The following TAS2R7 variants were observed in gnomAD, a reference collection of about 807,000 sequenced individuals.
The protein encoded by TAS2R7 is taste receptor type 2 member 7.
For synonymous variants in TAS2R7, 159 were observed against 138.8 expected, an observed-to-expected ratio of 1.15 and a Z score of -1.02; for missense variants, 403 against 366.0, an observed-to-expected ratio of 1.10 and a Z score of -0.82.
chr12:10,802,178 G>C lies in TAS2R7; in HGVS notation c.393C>G (p.Ser131=). 6.2e-7 allele frequency: 1 copy of C among 1,613,670 alleles called. No homozygotes were observed. The highest frequency in any genetic ancestry group is 8.5e-7 in the Non-Finnish European group (1 of 1,179,888). Reference sequence around the variant, plus strand: ...GAACCACGCACCCCAGTAGAATCCAGGAAATCACCCTGTCAATTCTCCACT... The same window carrying C: ...GAACCACGCACCCCAGTAGAATCCACGAAATCACCCTGTCAATTCTCCACT... ...WMKWRIDRVI[S]WILLGCVVLS... The change falls in exon 1 of 1, where the codon TCC becomes TCG. Residue 131 remains serine (S), a synonymous_variant. Transcript: ENST00000240687.
rs1487728042 is a variant in TAS2R7, at chr12:10,802,125, G to C, written c.446C>G (p.Thr149Ser). 2.5e-6 allele frequency: 4 copies of C among 1,613,752 alleles called. No individual in the cohort carries two copies. Among genetic ancestry groups the C allele is most frequent in the Middle Eastern group, 1.6e-4 (1 of 6,080 alleles). Residue 149 changes from threonine to serine, a missense_variant, in exon 1 of 1, where the codon ACT becomes AGT. Thr to Ser is a moderately conservative substitution (Grantham distance 58). Transcript: ENST00000240687. ...CCTGAAATCAGCGTTCAAATTCTCA[G>C]TGGCTGGAAGGCTAATAAACACAGA... ...VLSVFISLPATENLNADFRFC... is the reference protein window; with the variant it reads ...VLSVFISLPASENLNADFRFC...
At position 10,801,603 on chromosome 12, in the gene TAS2R7, A is replaced by C. The variant is rs745387813; in HGVS notation, c.*11T>G. On this transcript the variant is annotated 3_prime_UTR_variant, in exon 1 of 1. Transcript: ENST00000240687. ...TTATCTTTGTTTGTCCTAGAAAAGC[A>C]TAGTTTCTCTTCAGATTTGTTTATG... 2 of 1,477,244 alleles carry C rather than the reference A, an allele frequency of 1.4e-6. No homozygotes were observed. Among genetic ancestry groups the C allele is most frequent in the Non-Finnish European group, 9.3e-7 (1 of 1,072,386 alleles). 91.5% of individuals were successfully genotyped at this position (1,477,244 alleles called of 1,614,324 possible).
Position 10,801,980 on chromosome 12 carries a change from G to A in TAS2R7, c.591C>T (p.Cys197=), listed in dbSNP as rs144257075. 3.3e-4 allele frequency: 525 copies of A among 1,613,822 alleles called. 4 individuals carry two copies. The South Asian group carries it at 3.7e-3, about 11-fold the overall frequency. The change falls in exon 1 of 1, where the codon TGC becomes TGT. Residue 197 remains cysteine (C), a synonymous_variant. Transcript: ENST00000240687. ...GGATCAAGAGGAAAAAGGACATTAG[G>A]CACACACAAAAGGGGAGCAGCGTTG... ...NLATLLPFCV[C]LMSFFLLILS...
chr12:10,802,211 G>T lies in TAS2R7; in HGVS notation c.360C>A (p.Leu120=), dbSNP rs1282608700. The change falls in exon 1 of 1, where the codon CTC becomes CTA. Residue 120 remains leucine, a synonymous_variant. Coordinates refer to ENST00000240687, the MANE Select transcript of TAS2R7 (RefSeq NM_023919.2). ...KIGNFFHPLF[L]WMKWRIDRVI... ...CCCTGTCAATTCTCCACTTCATCCA[G>T]AGGAAAAGTGGGTGAAAGAAATTAC... 1.2e-5 allele frequency: 20 copies of T among 1,613,700 alleles called. No individual in the cohort carries two copies. The highest frequency in any genetic ancestry group is 1.6e-5 in the Non-Finnish European group (19 of 1,179,862).
chr12:10,802,022 C>T lies in TAS2R7; in HGVS notation c.549G>A (p.Lys183=). ...GCAGCGTTGCCAGGTTGAGAAATAACTTGGTAGAAGCATGTTGAGTTTTAT... is the reference window on the plus strand; with the variant it reads ...GCAGCGTTGCCAGGTTGAGAAATAATTTGGTAGAAGCATGTTGAGTTTTAT... ...RVNKTQHAST[K]LFLNLATLLP... Residue 183 remains lysine, a synonymous_variant, in exon 1 of 1, where the codon AAG becomes AAA. Coordinates refer to ENST00000240687, the MANE Select transcript of TAS2R7 (RefSeq NM_023919.2). 6.2e-7 allele frequency: 1 copy of T among 1,613,910 alleles called. No individual in the cohort carries two copies. Among genetic ancestry groups the T allele is most frequent in the Non-Finnish European group, 8.5e-7 (1 of 1,179,970 alleles).
In TAS2R7 at chr12:10,801,861, A is replaced by T; in HGVS notation, c.710T>A (p.Val237Asp). 6.2e-7 allele frequency: 1 copy of T among 1,613,922 alleles called. No individual in the cohort carries two copies. Among genetic ancestry groups the T allele is most frequent in the Non-Finnish European group, 8.5e-7 (1 of 1,179,942 alleles). Residue 237 changes from valine (V) to aspartate (D), a missense_variant, in exon 1 of 1, where the codon GTC (valine) becomes GAC (aspartate). Val to Asp is a radical substitution (Grantham distance 152). Coordinates refer to ENST00000240687, the MANE Select transcript of TAS2R7 (RefSeq NM_023919.2). Reference protein sequence around the residue: ...TEAHVRALKAVISFLLLFIAY... With the variant: ...TEAHVRALKADISFLLLFIAY... ...AATAAAGAGGAGAAGGAAGGAAATGACAGCTTTCAGGGCTCTCACATGGGC... is the reference window on the plus strand; with the variant it reads ...AATAAAGAGGAGAAGGAAGGAAATGTCAGCTTTCAGGGCTCTCACATGGGC...
At position 10,801,547 on chromosome 12, in the gene TAS2R7, A is replaced by C; in HGVS notation, c.*67T>G. Reference sequence around the variant, plus strand: ...GAGTAATTAATCACATAAAACATTAATGCAAGAACTGAAGTTAATTTAGAA... The same window carrying C: ...GAGTAATTAATCACATAAAACATTACTGCAAGAACTGAAGTTAATTTAGAA... On this transcript the variant is annotated 3_prime_UTR_variant, in exon 1 of 1. Transcript: ENST00000240687. 1 of 1,023,790 alleles carries C rather than the reference A, an allele frequency of 9.8e-7. No individual in the cohort carries two copies. Among genetic ancestry groups the C allele is most frequent in the Non-Finnish European group, 1.4e-6 (1 of 693,070 alleles). 63.4% of individuals were successfully genotyped at this position (1,023,790 alleles called of 1,614,324 possible).
In TAS2R7 at chr12:10,801,685, A is replaced by G. The variant is rs760859022; in HGVS notation, c.886T>C (p.Ser296Pro). The G allele has an allele frequency of 1.2e-6, 2 of 1,613,510 alleles. No homozygotes were observed. Among genetic ancestry groups the G allele is most frequent in the Non-Finnish European group, 1.7e-6 (2 of 1,179,528 alleles). The change falls in exon 1 of 1, where the codon TCT becomes CCT. Residue 296 changes from serine to proline, a missense_variant. Transcript: ENST00000240687. ...ILGNNKLRHA[S>P]LKVIWKVMSI... is the part of the protein sequence containing the mutation. The stretch of plus-strand genomic sequence containing the variant: ...ATTACTTTCCAAATCACCTTTAGAG[A>G]TGCATGTCTTAATTTATTGTTCCCC...
chr12:10,801,791 C>T lies in TAS2R7; in HGVS notation c.780G>A (p.Met260Ile). 2 of 1,613,902 alleles carry T rather than the reference C, an allele frequency of 1.2e-6. No homozygotes were observed. Among genetic ancestry groups the T allele is most frequent in the Non-Finnish European group, 8.5e-7 (1 of 1,179,968 alleles). Reference sequence around the variant, plus strand: ...AAATCACAGCTAATTCCGTCTCTGGCATAAAGTAGCTGGAGGTGGCAATGA... The same window carrying T: ...AAATCACAGCTAATTCCGTCTCTGGTATAAAGTAGCTGGAGGTGGCAATGA... ...SFLIATSSYF[M>I]PETELAVIFG... The change falls in exon 1 of 1, where the codon ATG becomes ATA. Residue 260 changes from methionine (M) to isoleucine (I), a missense_variant. By Grantham distance (10) the Met-to-Ile change is conservative (BLOSUM62 1). Coordinates refer to ENST00000240687, the MANE Select transcript of TAS2R7 (RefSeq NM_023919.2).
At position 10,802,025 on chromosome 12, in the gene TAS2R7, G is replaced by A. The variant is rs367641684; in HGVS notation, c.546C>T (p.Thr182=). 6.2e-7 allele frequency: 1 copy of A among 1,613,588 alleles called. No individual in the cohort carries two copies. The highest frequency in any genetic ancestry group is 8.5e-7 in the Non-Finnish European group (1 of 1,179,874). ...GCGTTGCCAGGTTGAGAAATAACTTGGTAGAAGCATGTTGAGTTTTATTTA... is the reference window on the plus strand; with the variant it reads ...GCGTTGCCAGGTTGAGAAATAACTTAGTAGAAGCATGTTGAGTTTTATTTA... ...CRVNKTQHAS[T]KLFLNLATLL... Residue 182 remains threonine (T), a synonymous_variant, in exon 1 of 1, where the codon ACC becomes ACT. Coordinates refer to ENST00000240687, the MANE Select transcript of TAS2R7 (RefSeq NM_023919.2).
chr12:10,801,619 T>G lies in TAS2R7; in HGVS notation c.952A>C (p.Ile318Leu). The G allele has an allele frequency of 6.4e-7, 1 of 1,554,864 alleles. No individual in the cohort carries two copies. The highest frequency in any genetic ancestry group is 8.8e-7 in the Non-Finnish European group (1 of 1,133,534). The change falls in exon 1 of 1, where the codon ATC becomes CTC. Residue 318 changes from isoleucine (I) to leucine (L), a missense_variant. Physicochemically the swap from Ile to Leu is conservative, Grantham distance 5. Transcript: ENST00000240687. The stretch of plus-strand genomic sequence containing the variant: ...TAGAAAAGCATAGTTTCTCTTCAGA[T>G]TTGTTTATGTTGTTGGAATTTTCTT... ...KGRKFQQHKQ[I>L] is the part of the protein sequence containing the mutation.
chr12:10,802,032 G>A lies in TAS2R7; in HGVS notation c.539C>T (p.Ala180Val). 6.2e-7 allele frequency: 1 copy of A among 1,613,830 alleles called. No homozygotes were observed. The highest frequency in any genetic ancestry group is 8.5e-7 in the Non-Finnish European group (1 of 1,179,946). The stretch of plus-strand genomic sequence containing the variant: ...CAGGTTGAGAAATAACTTGGTAGAA[G>A]CATGTTGAGTTTTATTTACTCTGCA... ...WSCRVNKTQH[A>V]STKLFLNLAT... is the part of the protein sequence containing the mutation. Residue 180 changes from alanine to valine, a missense_variant, in exon 1 of 1, where the codon GCT becomes GTT. Physicochemically the swap from Ala to Val is moderately conservative, Grantham distance 64. Coordinates refer to ENST00000240687, the MANE Select transcript of TAS2R7 (RefSeq NM_023919.2).
chr12:10,801,587 T>C lies in TAS2R7; in HGVS notation c.*27A>G. The C allele has an allele frequency of 7.3e-7, 1 of 1,372,320 alleles. No homozygotes were observed. The highest frequency in any genetic ancestry group is 1.0e-6 in the Non-Finnish European group (1 of 991,786). The allele number at this position is 1,372,320 out of a possible 1,614,324, so 85.0% of individuals were successfully genotyped here. A position where few individuals can be genotyped will look rare whatever the true frequency, so the allele number is the denominator to read the frequency against. ...TTAATTTAGAAACATCTTATCTTTG[T>C]TTGTCCTAGAAAAGCATAGTTTCTC... On this transcript the variant is annotated 3_prime_UTR_variant, in exon 1 of 1. Coordinates refer to ENST00000240687, the MANE Select transcript of TAS2R7 (RefSeq NM_023919.2).
rs1432452311 is a variant in TAS2R7, at chr12:10,801,618, A to T, written c.953T>A (p.Ile318Asn). ...KGRKFQQHKQ[I>N] ...CTAGAAAAGCATAGTTTCTCTTCAG[A>T]TTTGTTTATGTTGTTGGAATTTTCT... The change falls in exon 1 of 1, where the codon ATC becomes AAC. Residue 318 changes from isoleucine to asparagine, a missense_variant. Coordinates refer to ENST00000240687, the MANE Select transcript of TAS2R7 (RefSeq NM_023919.2). 4.5e-6 allele frequency: 7 copies of T among 1,556,600 alleles called. No individual in the cohort carries two copies. The highest frequency in any genetic ancestry group is 3.5e-6 in the Non-Finnish European group (4 of 1,135,532).
Position 10,802,508 on chromosome 12 carries a change from G to T in TAS2R7, c.63C>A (p.Ile21=). The change falls in exon 1 of 1, where the codon ATC becomes ATA. Residue 21 remains isoleucine (I), a synonymous_variant. Transcript: ENST00000240687. ...FLAVGEFSVG[I]LGNAFIGLVN... The stretch of plus-strand genomic sequence containing the variant: ...CCAATCCAATGAATGCATTCCCTAA[G>T]ATCCCCACTGAAAACTCTCCAACTG... 2 of 1,613,988 alleles carry T rather than the reference G, an allele frequency of 1.2e-6. No homozygotes were observed. Among genetic ancestry groups the T allele is most frequent in the East Asian group, 2.2e-5 (1 of 44,862 alleles).
In TAS2R7 at chr12:10,801,967, A is replaced by G. The variant is rs745868656; in HGVS notation, c.604T>C (p.Phe202Leu). 15 of 1,613,972 alleles carry G rather than the reference A, an allele frequency of 9.3e-6. No homozygotes were observed. The Admixed American group carries it at 2.0e-4, about 22-fold the overall frequency. ...LPFCVCLMSF[F>L]LLILSLRRHI... Reference sequence around the variant, plus strand: ...CTCCGCAGGGAGAGGATCAAGAGGAAAAAGGACATTAGGCACACACAAAAG... The same window carrying G: ...CTCCGCAGGGAGAGGATCAAGAGGAGAAAGGACATTAGGCACACACAAAAG... Residue 202 changes from phenylalanine (F) to leucine (L), a missense_variant, in exon 1 of 1, where the codon TTC (phenylalanine) becomes CTC (leucine). Phe to Leu is a conservative substitution (Grantham distance 22). Coordinates refer to ENST00000240687, the MANE Select transcript of TAS2R7 (RefSeq NM_023919.2).
chr12:10,802,278 C>T lies in TAS2R7; in HGVS notation c.293G>A (p.Trp98Ter). The T allele has an allele frequency of 6.2e-7, 1 of 1,613,896 alleles. No individual in the cohort carries two copies. The change falls in exon 1 of 1, where the codon TGG (tryptophan) becomes TAG (stop). Residue 98 changes from tryptophan to a stop codon, truncating the protein, a stop_gained. Coordinates refer to ENST00000240687, the MANE Select transcript of TAS2R7 (RefSeq NM_023919.2). LOFTEE classifies it low-confidence loss of function (END_TRUNC). ...GTAAATGCTGAGGCAGGTTGCAAAC[C>T]AGATACTTAAATGATTGGTTAGTGT... is the stretch of plus-strand genomic sequence containing the variant. ...FWTLTNHLSI[W>*]FATCLSIYYF...
rs374135400 is a variant in TAS2R7, at chr12:10,801,595, A to G, written c.*19T>C. 1.4e-6 allele frequency: 2 copies of G among 1,438,264 alleles called. No homozygotes were observed. The highest frequency in any genetic ancestry group is 1.9e-6 in the Non-Finnish European group (2 of 1,042,602). The allele number at this position is 1,438,264 out of a possible 1,614,324, so 89.1% of individuals were successfully genotyped here. ...GAAACATCTTATCTTTGTTTGTCCTAGAAAAGCATAGTTTCTCTTCAGATT... is the reference window on the plus strand; with the variant it reads ...GAAACATCTTATCTTTGTTTGTCCTGGAAAAGCATAGTTTCTCTTCAGATT... On this transcript the variant is annotated 3_prime_UTR_variant, in exon 1 of 1. Coordinates refer to ENST00000240687, the MANE Select transcript of TAS2R7 (RefSeq NM_023919.2).
At position 10,801,876 on chromosome 12, in the gene TAS2R7, C is replaced by T. The variant is rs752052818; in HGVS notation, c.695G>A (p.Arg232Lys). The T allele has an allele frequency of 6.2e-7, 1 of 1,613,806 alleles. No individual in the cohort carries two copies. Residue 232 changes from arginine to lysine, a missense_variant, in exon 1 of 1, where the codon AGA becomes AAA. Coordinates refer to ENST00000240687, the MANE Select transcript of TAS2R7 (RefSeq NM_023919.2). ...GAAGGAAATGACAGCTTTCAGGGCTCTCACATGGGCTTCTGTGCTGGGGTC... is the reference window on the plus strand; with the variant it reads ...GAAGGAAATGACAGCTTTCAGGGCTTTCACATGGGCTTCTGTGCTGGGGTC... Reference protein sequence around the residue: ...CRDPSTEAHVRALKAVISFLL... With the variant: ...CRDPSTEAHVKALKAVISFLL...
Sources: gnomAD v4.1 joint callset for allele counts on GRCh38, gnomAD v4.1.1 for gene constraint, MANE v1.5 for transcripts, NCBI Gene and HGNC (gene_info 2026-07-23, HGNC 2026-07-21) for gene names.